DYNC2H1: variants seen among roughly 807,000 people sequenced by gnomAD.
The protein encoded by DYNC2H1 is dynein cytoplasmic 2 heavy chain 1.
In DYNC2H1, 410 loss-of-function variants were observed where a neutral mutation model predicts 570.0. The observed-to-expected ratio is 0.72, with a 90% confidence interval of 0.66 to 0.78. The LOEUF is 0.78. DYNC2H1 is among the 30% of genes least tolerant of loss of function. The probability of loss-of-function intolerance (pLI) is 0.00; values close to 1 mark genes in which losing one functional copy is unlikely to be tolerated. For synonymous variants in DYNC2H1, 1,688 were observed against 1,677.6 expected (o/e 1.01, Z -0.15); for missense variants, 4,865 against 5,046.4 (o/e 0.96, Z 1.09).
chr11:103,379,657 G>A (rs978886025), intron 83 of DYNC2H1, among the ~76,000 whole-genome samples: 2 of 151,966 alleles, frequency 1.3e-5, no homozygotes, highest in African/African-American at 4.8e-5. Flanking sequence ...ACTTGGTTCT[G>A]TAGCCAACCT....
chr11:103,164,975 C>T, intron 30 of DYNC2H1, among the ~76,000 whole-genome samples: 1 of 152,116 alleles, frequency 6.6e-6, no homozygotes, highest in East Asian at 1.9e-4. Context: ...TTCTCAAAAG[C>T]AGATTTGGTT....
At chr11:103,309,466 G>T (rs1482519827) in intron 78 of DYNC2H1, among the ~76,000 whole-genome samples, 1 of 150,674 alleles carries the variant, frequency 6.6e-6, no homozygotes, top group Non-Finnish European at 1.5e-5. Context: ...AAAATGCTGG[G>T]ATTACAGGCA....
rs1415889564 is a variant in DYNC2H1 at position 103,243,038 on chromosome 11, C to CT, written c.9820-654dup. 6.6e-5 allele frequency among the ~76,000 whole-genome samples: 10 copies of CT among 151,980 alleles called. No individual in the cohort carries two copies. Among genetic ancestry groups the CT allele is most frequent in the Non-Finnish European group, 1.2e-4 (8 of 67,990 alleles). On this transcript the variant is annotated intron_variant, in intron 63 of 88. Transcript: ENST00000375735. The surrounding 1 kb of genome is among the most constrained non-coding windows in gnomAD (Gnocchi z 4.8). ...TAGAATTTAATTAGTGCAGGATGTT[C>CT]TATAATGAATTTAGTTTTTAGTTCA...
intron 80 of DYNC2H1, 71 bp from the exon 81 acceptor site, chr11:103,320,952 TTATAAA>T (rs1251064436): frequency 2.7e-6 from 3 of 1,101,608 alleles, no homozygotes; most frequent in African/African-American, 3.2e-5. Flanking sequence ...TGGCTACATG[TTATAAA>T]TATAACTCAA....
At position 103,257,604 on chromosome 11, in the gene DYNC2H1, A is replaced by G. The variant is rs759280188; in HGVS notation, c.10462-4A>G. On this transcript the variant is annotated splice_region_variant and splice_polypyrimidine_tract_variant and intron_variant, in intron 68 of 88. Coordinates refer to ENST00000375735, the MANE Select transcript of DYNC2H1 (RefSeq NM_001377.3). ...CTATCCCCTACTGATCTCTTGATCC[A>G]TAGGAACGGGATGCCTATCTCCCCC... is the stretch of plus-strand genomic sequence containing the variant. 9 of 1,608,550 alleles carry G rather than the reference A, an allele frequency of 5.6e-6. No individual in the cohort carries two copies. The South Asian group carries it at 6.7e-5, about 12-fold the overall frequency.
chr11:103,329,892 ATTTCAGT>A (rs1938689563), intron 82 of DYNC2H1, among the ~76,000 whole-genome samples: 1 of 152,150 alleles, frequency 6.6e-6, no homozygotes, highest in African/African-American at 2.4e-5. Context: ...GGCTATAGGT[ATTTCAGT>A]ATTTCTTTAT....
intron 82 of DYNC2H1, among the ~76,000 whole-genome samples, chr11:103,355,060 T>G (rs1223903744): frequency 6.6e-6 from 1 of 152,132 alleles, no homozygotes; most frequent in Non-Finnish European, 1.5e-5. Context: ...AAAACTCTTA[T>G]TTATTATTTT....
At chr11:103,406,779 G>A (rs757503736) in intron 84 of DYNC2H1, 7 of 151,156 alleles carry the variant, frequency 4.6e-5, no homozygotes, top group Non-Finnish European at 7.4e-5. Context: ...GGATAAAATT[G>A]TGATAGCATA....
chr11:103,293,628 C>T (rs1866702019), intron 75 of DYNC2H1, among the ~76,000 whole-genome samples: 1 of 151,560 alleles, frequency 6.6e-6, no homozygotes, highest in South Asian at 2.1e-4. Context: ...TCTTTTTCTC[C>T]TCTATATTTT....
rs1224753676 is a variant in DYNC2H1, at chr11:103,157,608, A to G, written c.4127+838A>G. On this transcript the variant is annotated intron_variant, in intron 26 of 88. Coordinates refer to ENST00000375735, the MANE Select transcript of DYNC2H1 (RefSeq NM_001377.3). The surrounding 1 kb of genome is among the most constrained non-coding windows in gnomAD (Gnocchi z 4.2). ...AGTATATCTTGAGCCAAATACCTGT[A>G]CAGAAGTATATCTGTACTTCTATTC... Among the ~76,000 whole-genome samples the G allele has an allele frequency of 6.6e-6, 1 of 152,230 alleles. No individual in the cohort carries two copies. Among genetic ancestry groups the G allele is most frequent in the East Asian group, 1.9e-4 (1 of 5,202 alleles).
At position 103,461,196 on chromosome 11, in the gene DYNC2H1, C is replaced by G. The variant is rs1179884958; in HGVS notation, c.12648+4840C>G. On this transcript the variant is annotated intron_variant, in intron 87 of 88. Transcript: ENST00000375735. The surrounding 1 kb of genome is among the most constrained non-coding windows in gnomAD (Gnocchi z 4.8). ...TGGCAAAATTAGTAAGTTCATTTGT[C>G]CATTTAGGCTCCTTTTAATTATGTT... 2.0e-5 allele frequency among the ~76,000 whole-genome samples: 3 copies of G among 152,110 alleles called. No homozygotes were observed. Among genetic ancestry groups the G allele is most frequent in the Non-Finnish European group, 4.4e-5 (3 of 68,010 alleles).
At chr11:103,351,246 G>A (rs970657476) in intron 82 of DYNC2H1, among the ~76,000 whole-genome samples, 1 of 152,114 alleles carries the variant, frequency 6.6e-6, no homozygotes, top group Non-Finnish European at 1.5e-5. Context: ...TTCTTGATGT[G>A]GCCTTTTGTC....
At chr11:103,387,903 T>C (rs1162037236) in intron 83 of DYNC2H1, among the ~76,000 whole-genome samples, 1 of 152,228 alleles carries the variant, frequency 6.6e-6, no homozygotes, top group Non-Finnish European at 1.5e-5. Flanking sequence ...TTGGTTACTG[T>C]AGCCTTGTAG....
rs769685093 is a variant in DYNC2H1, at chr11:103,188,530, T to A, written c.7174T>A (p.Leu2392Met). ...LTYQGFYDEN[L>M]EWVGLENIQI... ...GTATCAAGGATTTTATGATGAAAAT[T>A]TGGAATGGGTTGGTCTAGAAAATAT... is the stretch of plus-strand genomic sequence containing the variant. The change falls in exon 44 of 89, where the codon TTG becomes ATG. Residue 2392 changes from leucine (L) to methionine (M), a missense_variant. Coordinates refer to ENST00000375735, the MANE Select transcript of DYNC2H1 (RefSeq NM_001377.3). 2 of 1,607,654 alleles carry A rather than the reference T, an allele frequency of 1.2e-6. No homozygotes were observed. The highest frequency in any genetic ancestry group is 3.3e-5 in the Admixed American group (2 of 59,870).
At chr11:103,354,096 GAACC>G (rs1468287064) in intron 82 of DYNC2H1, among the ~76,000 whole-genome samples, 1 of 147,852 alleles carries the variant, frequency 6.8e-6, no homozygotes, top group Non-Finnish European at 1.5e-5. Context: ...AGAATCACTT[GAACC>G]AGGGAGTTGG....
intron 53 of DYNC2H1, among the ~76,000 whole-genome samples, chr11:103,210,492 T>G (rs1031844092): frequency 6.6e-6 from 1 of 152,072 alleles, no homozygotes; most frequent in Non-Finnish European, 1.5e-5. Context: ...TTGAACTTGT[T>G]TTATACTGTA....
intron 83 of DYNC2H1, among the ~76,000 whole-genome samples, chr11:103,373,506 C>G (rs1415717406): frequency 6.6e-6 from 1 of 152,094 alleles, no homozygotes; most frequent in African/African-American, 2.4e-5. Flanking sequence ...TTTACAATTT[C>G]CCAAATTTTT....
At chr11:103,460,222 T>C (rs973284209) in intron 87 of DYNC2H1, among the ~76,000 whole-genome samples, 2 of 152,094 alleles carry the variant, frequency 1.3e-5, no homozygotes, top group African/African-American at 4.8e-5. Flanking sequence ...TGGTGGGTCA[T>C]ACACTGCTAT....
rs1863060627 is a variant in DYNC2H1, at chr11:103,209,361, T to A, written c.8455-515T>A. On this transcript the variant is annotated intron_variant, in intron 52 of 88. Coordinates refer to ENST00000375735, the MANE Select transcript of DYNC2H1 (RefSeq NM_001377.3). This position sits in a 1 kb window ranked among gnomAD's most constrained non-coding sequence, Gnocchi z 4.2. ...ATAATGATATCTGCTTATGAAACTG[T>A]ATTTGCTTATTTACAGTAGTGGCAA... Among the ~76,000 whole-genome samples, 1 of 152,034 alleles carries A rather than the reference T, an allele frequency of 6.6e-6. No homozygotes were observed. Among genetic ancestry groups the A allele is most frequent in the Admixed American group, 6.6e-5 (1 of 15,256 alleles).
Sources: allele counts gnomAD v4.1 joint callset (sites outside exome capture counted in the v4.1 genomes callset), GRCh38; gene constraint gnomAD v4.1.1; non-coding constraint Gnocchi (gnomAD v3.1); transcripts MANE v1.5; gene names NCBI Gene and HGNC (gene_info 2026-07-23, HGNC 2026-07-21).